Variants in TMEM260 observed in about 807,000 individuals in gnomAD.
TMEM260 encodes transmembrane protein 260.
TMEM260 carries 82 observed loss-of-function variants against 88.9 expected under a neutral mutation model. The ratio of observed to expected loss-of-function variants is 0.92; its 90% CI spans 0.77 to 1.11. The LOEUF is 1.11. Ranked by LOEUF, TMEM260 falls within the 50% of genes least tolerant of loss-of-function variation. The pLI is 0.00. For missense variants in TMEM260, 902 were observed against 853.4 expected (o/e 1.06, Z -0.71); for synonymous variants, 314 against 309.3 (o/e 1.02, Z -0.16).
At chr14:56,641,472 T>C (rs1889589297) in intron 15 of TMEM260, among the ~76,000 whole-genome samples, 1 of 152,014 alleles carries the variant, frequency 6.6e-6, no homozygotes, top group Admixed American at 6.5e-5. Context: ...TGCTGAGAGA[T>C]TTTGTCACCA....
intron 15 of TMEM260, among the ~76,000 whole-genome samples, chr14:56,641,183 C>T (rs778178872): frequency 3.3e-5 from 5 of 151,236 alleles, no homozygotes; most frequent in Non-Finnish European, 5.9e-5. Flanking sequence ...AGATACTCCT[C>T]GAGAAGAGCA....
intron 5 of TMEM260, among the ~76,000 whole-genome samples, chr14:56,608,880 T>C (rs1454040746): frequency 6.6e-6 from 1 of 152,214 alleles, no homozygotes; most frequent in East Asian, 1.9e-4. Context: ...TATTATTTGC[T>C]TCACTCAGCT....
intron 1 of TMEM260, among the ~76,000 whole-genome samples, chr14:56,584,642 T>C (rs1885369487): frequency 6.6e-6 from 1 of 152,174 alleles, no homozygotes; most frequent in Non-Finnish European, 1.5e-5. Context: ...TGTATCTTTA[T>C]AGACTTTCGT....
intron 14 of TMEM260, 31 bp from the exon 15 acceptor site, chr14:56,636,477 T>C: frequency 6.3e-7 from 1 of 1,587,872 alleles, no homozygotes; most frequent in Admixed American, 1.7e-5. Context: ...GACTGTATGA[T>C]TTTAATGAAG....
Position 56,596,406 on chromosome 14 carries a change from G to GTGTGTGTGTGTGTATA in TMEM260, c.345-7408_345-7407insGTGTGTGTGTGTATAT, listed in dbSNP as rs1290307932. On this transcript the variant is annotated intron_variant, in intron 3 of 15. Transcript: ENST00000261556. Reference sequence around the variant, plus strand: ...AGTGTGTGTGTGTGTGTGTGTGTGTGTATATATATATATATATATACATAC... The same window carrying GTGTGTGTGTGTGTATA: ...AGTGTGTGTGTGTGTGTGTGTGTGTGTGTGTGTGTGTGTATATATATATATATATATATATACATAC... Among the ~76,000 whole-genome samples, 7 of 111,328 alleles carry GTGTGTGTGTGTGTATA rather than the reference G, an allele frequency of 6.3e-5. No homozygotes were observed. In the South Asian group the frequency reaches 1.1e-3, roughly 17 times the overall value. 73.0% of individuals were successfully genotyped at this position (111,328 alleles called of 152,430 possible).
intron 14 of TMEM260, 91 bp from the exon 15 acceptor site, chr14:56,636,417 C>A: frequency 1.0e-6 from 1 of 957,660 alleles, no homozygotes. Context: ...TTGTACATCC[C>A]TTATCAGTGG....
At chr14:56,650,696 A>G (rs975586379), downstream of TMEM260, 3 of 152,176 alleles carry the variant, frequency 2.0e-5, no homozygotes, top group African/African-American at 7.2e-5. Context: ...TGTTAGGTTT[A>G]TTTTTATGAT....
At chr14:56,639,824 C>T (rs1317621117) in intron 15 of TMEM260, among the ~76,000 whole-genome samples, 1 of 152,202 alleles carries the variant, frequency 6.6e-6, no homozygotes, top group Non-Finnish European at 1.5e-5. Flanking sequence ...AAACGGCACA[C>T]CAGGAGATTA....
intron 12 of TMEM260, 22 bp from the exon 13 acceptor site, chr14:56,632,973 T>C (rs768577864): frequency 9.4e-6 from 15 of 1,597,788 alleles, no homozygotes; most frequent in Admixed American, 1.7e-5. Context: ...AAGTACATCA[T>C]GTATTTTTCT....
rs769666288 is a variant in TMEM260 at position 56,609,139 on chromosome 14, C to G, written c.670C>G (p.Leu224Val). Residue 224 changes from leucine (L) to valine (V), a missense_variant, in exon 6 of 16, where the codon CTG becomes GTG. Coordinates refer to ENST00000261556, the MANE Select transcript of TMEM260 (RefSeq NM_017799.4). The stretch of plus-strand genomic sequence containing the variant: ...CCTGGGCTCTTTGTTGAAGTTGAGC[C>G]TGTACTTCTCTGCTGGTTTGCTGCC... ...LSLGSLLKLSLYFSAGLLPYV... is the reference protein window; with the variant it reads ...LSLGSLLKLSVYFSAGLLPYV... The G allele has an allele frequency of 6.2e-7, 1 of 1,614,174 alleles. No homozygotes were observed. The highest frequency in any genetic ancestry group is 8.5e-7 in the Non-Finnish European group (1 of 1,180,026).
chr14:56,652,264 G>C (rs1890219509), downstream of TMEM260, among the ~76,000 whole-genome samples: 1 of 152,138 alleles, frequency 6.6e-6, no homozygotes, highest in East Asian at 1.9e-4. Flanking sequence ...GGGAGGCTGA[G>C]GCGGGTGGAC....
intron 5 of TMEM260, among the ~76,000 whole-genome samples, chr14:56,606,827 G>A (rs1434282960): frequency 6.6e-6 from 1 of 152,228 alleles, no homozygotes; most frequent in Non-Finnish European, 1.5e-5. Context: ...CCCGAGAGGA[G>A]GAGGTTGCAG....
chr14:56,621,380 T>G (rs1199487757), intron 10 of TMEM260, 151 bp from the exon 11 acceptor site: 1 of 556,308 alleles, frequency 1.8e-6, no homozygotes, highest in Non-Finnish European at 3.0e-6. Context: ...GATAGTATTC[T>G]CTCTTCAAAT....
intron 1 of TMEM260, 129 bp from the exon 2 acceptor site, chr14:56,584,872 C>T: frequency 1.5e-6 from 1 of 689,398 alleles, no homozygotes; most frequent in Non-Finnish European, 2.5e-6. Flanking sequence ...GCTGTTAAAT[C>T]TCTACAGATT....
At chr14:56,588,405 T>C (rs1885644597) in intron 3 of TMEM260, among the ~76,000 whole-genome samples, 2 of 152,134 alleles carry the variant, frequency 1.3e-5, no homozygotes, top group African/African-American at 4.8e-5. Context: ...TATGTTTAAA[T>C]GTGTTGATGT....
chr14:56,597,659 G>A lies in TMEM260; in HGVS notation c.345-6156G>A, dbSNP rs142031580. Reference sequence around the variant, plus strand: ...AATCTCTTACTCTGTTGGCAATGGCGGGCATAGGACTGGGGGCAGATGGCT... The same window carrying A: ...AATCTCTTACTCTGTTGGCAATGGCAGGCATAGGACTGGGGGCAGATGGCT... On this transcript the variant is annotated intron_variant, in intron 3 of 15. Coordinates refer to ENST00000261556, the MANE Select transcript of TMEM260 (RefSeq NM_017799.4). Among the ~76,000 whole-genome samples the A allele has an allele frequency of 2.9e-3, 435 of 152,232 alleles. 4 individuals are homozygous for A. Among genetic ancestry groups the A allele is most frequent in the African/African-American group, 1.0e-2 (414 of 41,540 alleles).
intron 4 of TMEM260, among the ~76,000 whole-genome samples, chr14:56,604,492 A>T (rs1886771291): frequency 6.6e-6 from 1 of 152,216 alleles, no homozygotes; most frequent in African/African-American, 2.4e-5. Flanking sequence ...AAATCACTTG[A>T]CATGTGAAAG....
chr14:56,614,203 C>A (rs1223683614), intron 7 of TMEM260, among the ~76,000 whole-genome samples: 1 of 143,622 alleles, frequency 7.0e-6, no homozygotes, highest in Non-Finnish European at 1.5e-5. Context: ...GCTAACACAA[C>A]CGGCCTACAA....
chr14:56,619,144 C>T (rs544671309), intron 10 of TMEM260, among the ~76,000 whole-genome samples: 1 of 152,196 alleles, frequency 6.6e-6, no homozygotes, highest in East Asian at 1.9e-4. Context: ...CTTTATGCTT[C>T]CCTTTATGTC....
Sources: allele counts gnomAD v4.1 joint callset (sites outside exome capture counted in the v4.1 genomes callset), GRCh38; gene constraint gnomAD v4.1.1; transcripts MANE v1.5; gene names NCBI Gene and HGNC (gene_info 2026-07-23, HGNC 2026-07-21).